Variants in MAML1 observed in about 807,000 individuals in gnomAD.
MAML1 encodes the protein mastermind like transcriptional coactivator 1.
A neutral mutation model predicts 77.1 loss-of-function variants in MAML1; 14 were observed. The ratio of observed to expected loss-of-function variants is 0.18; its 90% CI spans 0.12 to 0.28. MAML1 has a LOEUF of 0.28. MAML1 is among the 10% of genes least tolerant of loss of function. The pLI is 1.00. For missense variants in MAML1, 1,217 were observed against 1,327.8 expected, an observed-to-expected ratio of 0.92 and a Z score of 1.30; for synonymous variants, 516 against 551.9, an observed-to-expected ratio of 0.93 and a Z score of 0.91.
Position 179,766,163 on chromosome 5 carries a change from C to A in MAML1, c.1153C>A (p.Gln385Lys). Residue 385 changes from glutamine (Q) to lysine (K), a missense_variant, in exon 2 of 5, where the codon CAG becomes AAG. Gln to Lys is a moderately conservative substitution (Grantham distance 53). Around this residue, in one of 3 missense-constraint regions of MAML1, gnomAD observed 884 missense variants for 949.3 expected, o/e 0.93. Transcript: ENST00000292599. The surrounding 1 kb of genome is among the most constrained non-coding windows in gnomAD (Gnocchi z 4.0). ...RALAGVVLPS[Q>K]GPGGASELSS... Reference sequence around the variant, plus strand: ...CCTTGCAGGTGTGGTATTGCCCAGTCAGGGCCCAGGAGGGGCCTCAGAGCT... The same window carrying A: ...CCTTGCAGGTGTGGTATTGCCCAGTAAGGGCCCAGGAGGGGCCTCAGAGCT... 1 of 1,584,038 alleles carries A rather than the reference C, an allele frequency of 6.3e-7. No individual in the cohort carries two copies. The highest frequency in any genetic ancestry group is 1.4e-5 in the African/African-American group (1 of 73,886).
chr5:179,755,912 C>T (rs1409065846), intron 1 of MAML1, among the ~76,000 whole-genome samples: 1 of 151,550 alleles, frequency 6.6e-6, no homozygotes, highest in Non-Finnish European at 1.5e-5. Context: ...TTACAGGAGC[C>T]CACCACCACG....
At chr5:179,750,101 G>A (rs1028187688) in intron 1 of MAML1, among the ~76,000 whole-genome samples, 1 of 152,244 alleles carries the variant, frequency 6.6e-6, no homozygotes, top group African/African-American at 2.4e-5. Context: ...CACTGCCAGT[G>A]TGCACCTGCT....
At chr5:179,746,262 CTTG>C (rs1465879037) in intron 1 of MAML1, among the ~76,000 whole-genome samples, 5 of 151,928 alleles carry the variant, frequency 3.3e-5, no homozygotes, top group Non-Finnish European at 7.4e-5. Flanking sequence ...AGGAGAATCG[CTTG>C]AACCTGGGAG....
rs139828482 is a variant in MAML1 at position 179,765,621 on chromosome 5, C to G, written c.611C>G (p.Pro204Arg). 1.6e-4 allele frequency: 263 copies of G among 1,614,070 alleles called. No individual in the cohort carries two copies. The highest frequency in any genetic ancestry group is 2.2e-4 in the Non-Finnish European group (260 of 1,180,050). ...CTTCACTTGAATGGAGGCAGTAACC[C>G]CAGTGAGTCATTTCCTCTGAGCCTG... ...SSLHLNGGSN[P>R]SESFPLSLNK... Residue 204 changes from proline (P) to arginine (R), a missense_variant, in exon 2 of 5, where the codon CCC becomes CGC. By Grantham distance (103) the Pro-to-Arg change is moderately radical. Coordinates refer to ENST00000292599, the MANE Select transcript of MAML1 (RefSeq NM_014757.5).
intron 1 of MAML1, among the ~76,000 whole-genome samples, 157 bp from the exon 2 acceptor site, chr5:179,765,169 T>C (rs759877285): frequency 1.8e-4 from 28 of 152,014 alleles, no homozygotes; most frequent in Non-Finnish European, 4.0e-4. Context: ...TATAGGACCG[T>C]CAGGGAAAAT....
chr5:179,774,404 T>C lies in MAML1; in HGVS notation c.2578T>C (p.Phe860Leu). 1.2e-6 allele frequency: 2 copies of C among 1,613,204 alleles called. No individual in the cohort carries two copies. Among genetic ancestry groups the C allele is most frequent in the Non-Finnish European group, 1.7e-6 (2 of 1,180,036 alleles). The change falls in exon 5 of 5, where the codon TTC becomes CTC. Residue 860 changes from phenylalanine to leucine, a missense_variant. Transcript: ENST00000292599. ...CCCAGGGAACAGCAACGTGAGTCCC[T>C]TCACTGCAGCCTCCAGTTTCCACAT... ...QTPGNSNVSP[F>L]TAASSFHMQQ...
chr5:179,735,587 C>T (rs1779150611), intron 1 of MAML1, among the ~76,000 whole-genome samples: 1 of 152,104 alleles, frequency 6.6e-6, no homozygotes, highest in Non-Finnish European at 1.5e-5. Flanking sequence ...GATGGGGTTT[C>T]ACCATGTTGA....
intron 1 of MAML1, among the ~76,000 whole-genome samples, chr5:179,761,793 C>T (rs1779729901): frequency 1.3e-5 from 2 of 152,126 alleles, no homozygotes; most frequent in African/African-American, 2.4e-5. Context: ...AAAATATGGC[C>T]TATGTGTAAC....
chr5:179,742,217 G>A (rs1394221830), intron 1 of MAML1, among the ~76,000 whole-genome samples: 1 of 150,252 alleles, frequency 6.7e-6, no homozygotes, highest in African/African-American at 2.4e-5. Flanking sequence ...GGCCAGGCAC[G>A]GTGGCTCATG....
At chr5:179,747,291 A>G (rs946096001) in intron 1 of MAML1, among the ~76,000 whole-genome samples, 1 of 152,168 alleles carries the variant, frequency 6.6e-6, no homozygotes, top group African/African-American at 2.4e-5. Context: ...TGTTAATGGT[A>G]TTATAGAAGG....
intron 1 of MAML1, among the ~76,000 whole-genome samples, chr5:179,739,889 C>G (rs1779247295): frequency 6.6e-6 from 1 of 152,096 alleles, no homozygotes; most frequent in South Asian, 2.1e-4. Context: ...AGAACCAATT[C>G]CCCATGGACA....
chr5:179,749,279 A>G (rs1779441487), intron 1 of MAML1, among the ~76,000 whole-genome samples: 1 of 152,210 alleles, frequency 6.6e-6, no homozygotes, highest in Non-Finnish European at 1.5e-5. Context: ...GGCATGCGCC[A>G]CCACGCCTGG....
At position 179,770,810 on chromosome 5, in the gene MAML1, G is replaced by A. The variant is rs541238588; in HGVS notation, c.1972-337G>A. ...TTACATTCCCACCAGCGGTGTATGA[G>A]GGTGCTGATTTCTCTACATCCTCAC... On this transcript the variant is annotated intron_variant, in intron 3 of 4. Coordinates refer to ENST00000292599, the MANE Select transcript of MAML1 (RefSeq NM_014757.5). The A allele has an allele frequency of 1.3e-5, 3 of 225,412 alleles. No homozygotes were observed. In the South Asian group the frequency reaches 1.8e-4, roughly 13 times the overall value. The allele number at this position is 225,412 out of a possible 1,614,324, so 14.0% of individuals were successfully genotyped here.
intron 1 of MAML1, among the ~76,000 whole-genome samples, chr5:179,735,303 C>T (rs1294525104): frequency 6.6e-6 from 1 of 152,216 alleles, no homozygotes; most frequent in Non-Finnish European, 1.5e-5. Context: ...TGCCTTAAAG[C>T]TAGTTCCTGA....
In MAML1 at chr5:179,774,675, G is replaced by A. The variant is rs1367488493; in HGVS notation, c.2849G>A (p.Gly950Asp). The change falls in exon 5 of 5, where the codon GGC (glycine) becomes GAC (aspartate). Residue 950 changes from glycine to aspartate, a missense_variant. Transcript: ENST00000292599. The stretch of plus-strand genomic sequence containing the variant: ...AGCCAGAGCCCTGCCTCACAGATGG[G>A]CGGTCGGGCGGGGCTGCACTGCACC... Reference protein sequence around the residue: ...AFSQSPASQMGGRAGLHCTQA... With the variant: ...AFSQSPASQMDGRAGLHCTQA... 1 of 1,609,766 alleles carries A rather than the reference G, an allele frequency of 6.2e-7. No homozygotes were observed. The highest frequency in any genetic ancestry group is 8.5e-7 in the Non-Finnish European group (1 of 1,179,472).
rs1379280722 is a variant in MAML1 at position 179,771,624 on chromosome 5, C to A, written c.2068+381C>A. On this transcript the variant is annotated intron_variant, in intron 4 of 4. Coordinates refer to ENST00000292599, the MANE Select transcript of MAML1 (RefSeq NM_014757.5). The surrounding 1 kb of genome is among the most constrained non-coding windows in gnomAD (Gnocchi z 4.7). ...TCCAGATAAGGACTTAATGCACTTG[C>A]GTGGCCTTTGGCTTCTTTCTCTCCT... is the stretch of plus-strand genomic sequence containing the variant. Among the ~76,000 whole-genome samples, 1 of 152,226 alleles carries A rather than the reference C, an allele frequency of 6.6e-6. No homozygotes were observed. Among genetic ancestry groups the A allele is most frequent in the East Asian group, 1.9e-4 (1 of 5,204 alleles).
At chr5:179,742,705 G>A (rs1348315787) in intron 1 of MAML1, among the ~76,000 whole-genome samples, 1 of 151,910 alleles carries the variant, frequency 6.6e-6, no homozygotes, top group African/African-American at 2.4e-5. Flanking sequence ...TACTTGGGAG[G>A]CTGAGGCAGG....
intron 1 of MAML1, among the ~76,000 whole-genome samples, chr5:179,736,202 G>T (rs1249650242): frequency 6.6e-6 from 1 of 152,182 alleles, no homozygotes; most frequent in Admixed American, 6.5e-5. Flanking sequence ...GCAAGTTGAT[G>T]TAACTTCATG....
chr5:179,738,012 A>C (rs1438386769), intron 1 of MAML1, among the ~76,000 whole-genome samples: 1 of 152,056 alleles, frequency 6.6e-6, no homozygotes, highest in Non-Finnish European at 1.5e-5. Context: ...TGCCTGGCCG[A>C]AAGTTGATTT....
Sources: allele counts gnomAD v4.1 joint callset (sites outside exome capture counted in the v4.1 genomes callset), GRCh38; gene constraint gnomAD v4.1.1; regional missense constraint gnomAD v4.1.1; non-coding constraint Gnocchi (gnomAD v3.1); transcripts MANE v1.5; gene names NCBI Gene and HGNC (gene_info 2026-07-23, HGNC 2026-07-21).